AGBL1: variants seen among roughly 807,000 people sequenced by gnomAD.
AGBL1 encodes cytosolic carboxypeptidase 4.
AGBL1 carries 130 observed loss-of-function variants against 118.9 expected under a neutral mutation model. The observed-to-expected ratio is 1.09, with a 90% CI of 0.95 to 1.26. The LOEUF (loss-of-function observed/expected upper bound fraction) is 1.26, where lower values mean the gene tolerates loss of function less well. Ranked by LOEUF, AGBL1 falls within the 50% of genes most tolerant of loss-of-function variation. The pLI is 0.00. For synonymous variants in AGBL1, 555 were observed against 478.9 expected, an observed-to-expected ratio of 1.16 and a Z score of -2.08; for missense variants, 1,584 against 1,298.1, an observed-to-expected ratio of 1.22 and a Z score of -3.38.
chr15:86,884,358 C>A (rs145222598), intron 22 of AGBL1, among the ~76,000 whole-genome samples: 1 of 152,166 alleles, frequency 6.6e-6, no homozygotes, highest in South Asian at 2.1e-4. Context: ...GATCTCATCA[C>A]GCTACACAGA....
At chr15:86,992,279 A>G in intron 24 of AGBL1, among the ~76,000 whole-genome samples, 1 of 152,278 alleles carries the variant, frequency 6.6e-6, no homozygotes, top group African/African-American at 2.4e-5. Flanking sequence ...TGCCCCCATG[A>G]CAAAAACGCC....
At chr15:86,673,286 T>C (rs2085778528) in intron 21 of AGBL1, among the ~76,000 whole-genome samples, 1 of 152,162 alleles carries the variant, frequency 6.6e-6, no homozygotes, top group African/African-American at 2.4e-5. Context: ...TGATTCCATT[T>C]TACAGATGAG....
intron 22 of AGBL1, among the ~76,000 whole-genome samples, chr15:86,876,250 C>T (rs564778767): frequency 3.9e-5 from 6 of 152,152 alleles, no homozygotes; most frequent in East Asian, 1.9e-4. Context: ...CAAGGGAAGG[C>T]GGGGGTTGAA....
At chr15:86,409,917 G>T (rs7173908) in intron 18 of AGBL1, among the ~76,000 whole-genome samples, 5,147 of 152,184 alleles carry the variant, frequency 0.034, 143 homozygotes, top group African/African-American at 0.078. Flanking sequence ...GGGATGCAGG[G>T]ATAGAGGGAG....
At chr15:86,854,028 A>G (rs1202451667) in intron 22 of AGBL1, among the ~76,000 whole-genome samples, 1 of 152,196 alleles carries the variant, frequency 6.6e-6, no homozygotes, top group Non-Finnish European at 1.5e-5. Flanking sequence ...GCAGAAAGTC[A>G]TTTTGCACCT....
At chr15:86,795,278 G>A (rs74517834) in intron 22 of AGBL1, among the ~76,000 whole-genome samples, 10,538 of 152,146 alleles carry the variant, frequency 0.069, 520 homozygotes, top group East Asian at 0.26. Flanking sequence ...TTGCCTGGAC[G>A]GAGGCTGATT....
intron 21 of AGBL1, among the ~76,000 whole-genome samples, chr15:86,595,347 T>C (rs1489866239): frequency 1.3e-5 from 2 of 152,180 alleles, no homozygotes; most frequent in East Asian, 3.9e-4. Flanking sequence ...CTTGCTCCTC[T>C]CACCTGCTTA....
chr15:86,135,767 T>C (rs1050985014), intron 1 of AGBL1, among the ~76,000 whole-genome samples: 2 of 152,174 alleles, frequency 1.3e-5, no homozygotes, highest in African/African-American at 4.8e-5. Context: ...ACTCCTCCAG[T>C]TGAGGGGTAG....
chr15:86,327,623 T>G (rs2080203552), intron 17 of AGBL1, among the ~76,000 whole-genome samples: 1 of 152,218 alleles, frequency 6.6e-6, no homozygotes, highest in South Asian at 2.1e-4. Flanking sequence ...TTCATTGAGG[T>G]GTCAGCTGCT....
intron 18 of AGBL1, among the ~76,000 whole-genome samples, chr15:86,512,612 T>A (rs958249288): frequency 6.6e-6 from 1 of 151,792 alleles, no homozygotes; most frequent in Non-Finnish European, 1.5e-5. Context: ...GGTTGAAGTC[T>A]TAGTATTTCT....
At chr15:86,811,184 G>T (rs1046378980) in intron 22 of AGBL1, among the ~76,000 whole-genome samples, 1 of 152,174 alleles carries the variant, frequency 6.6e-6, no homozygotes, top group African/African-American at 2.4e-5. Flanking sequence ...GCTAAATAAA[G>T]AAATGTCATT....
At chr15:86,136,790 G>A (rs1299870092) in intron 1 of AGBL1, among the ~76,000 whole-genome samples, 1 of 152,138 alleles carries the variant, frequency 6.6e-6, no homozygotes, top group East Asian at 1.9e-4. Context: ...GAGGAGGAAG[G>A]CAACAGGGAC....
chr15:86,602,221 A>G (rs2084507354), intron 21 of AGBL1, among the ~76,000 whole-genome samples: 1 of 152,202 alleles, frequency 6.6e-6, no homozygotes, highest in South Asian at 2.1e-4. Flanking sequence ...TAGATTCTTA[A>G]TTCATCACAT....
chr15:86,284,330 A>G (rs2079407026), intron 16 of AGBL1, among the ~76,000 whole-genome samples: 1 of 151,634 alleles, frequency 6.6e-6, no homozygotes, highest in Non-Finnish European at 1.5e-5. Flanking sequence ...CTTATTTTTA[A>G]TGGACAAGGA....
At chr15:86,642,247 A>G (rs111980392) in intron 21 of AGBL1, among the ~76,000 whole-genome samples, 2 of 152,332 alleles carry the variant, frequency 1.3e-5, no homozygotes, top group South Asian at 2.1e-4. Context: ...GGAACAATAA[A>G]GAGATCTGCC....
intron 22 of AGBL1, among the ~76,000 whole-genome samples, chr15:86,740,228 C>T (rs2077657917): frequency 6.6e-6 from 1 of 152,180 alleles, no homozygotes; most frequent in Non-Finnish European, 1.5e-5. Flanking sequence ...AAAATTGTTT[C>T]CCTAGCATCC....
At chr15:86,515,856 A>G (rs1202283845) in intron 18 of AGBL1, among the ~76,000 whole-genome samples, 1 of 152,226 alleles carries the variant, frequency 6.6e-6, no homozygotes, top group Non-Finnish European at 1.5e-5. Flanking sequence ...CGTGCCCGTG[A>G]CACAGCCTCA....
chr15:86,712,148 T>C (rs965895919), intron 22 of AGBL1, among the ~76,000 whole-genome samples: 1 of 152,208 alleles, frequency 6.6e-6, no homozygotes, highest in African/African-American at 2.4e-5. Context: ...CATTTTAGTA[T>C]AGACATTTTA....
chr15:86,213,860 T>G (rs1329827136), intron 5 of AGBL1, among the ~76,000 whole-genome samples: 1 of 152,242 alleles, frequency 6.6e-6, no homozygotes, highest in Non-Finnish European at 1.5e-5. Flanking sequence ...CTATCTACTG[T>G]CAAAACTTTG....
Sources: allele counts gnomAD v4.1 joint callset (sites outside exome capture counted in the v4.1 genomes callset), GRCh38; gene constraint gnomAD v4.1.1; transcripts MANE v1.5; gene names NCBI Gene and HGNC (gene_info 2026-07-23, HGNC 2026-07-21).